CADPS: variants seen among roughly 807,000 people sequenced by gnomAD.
The protein encoded by CADPS is calcium dependent secretion activator.
Under a neutral mutation model 167.3 loss-of-function variants are expected in CADPS, and 57 were observed. The observed-to-expected ratio is 0.34, with a 90% CI of 0.28 to 0.42. CADPS has a LOEUF of 0.42. Ranked by LOEUF, CADPS falls within the 20% of genes least tolerant of loss-of-function variation. CADPS has a pLI of 1.00. For synonymous variants in CADPS, 676 were observed against 635.3 expected, an observed-to-expected ratio of 1.06 and a Z score of -0.96; for missense variants, 1,414 against 1,738.1, an observed-to-expected ratio of 0.81 and a Z score of 3.32.
At chr3:62,805,493 A>T (rs2094035056) in intron 1 of CADPS, among the ~76,000 whole-genome samples, 3 of 152,148 alleles carry the variant, frequency 2.0e-5, no homozygotes, top group Admixed American at 6.6e-5. Flanking sequence ...CTATGCTATT[A>T]CGTAGTGTTT....
chr3:62,813,915 C>T (rs2094497061), intron 1 of CADPS, among the ~76,000 whole-genome samples: 1 of 152,006 alleles, frequency 6.6e-6, no homozygotes, highest in Admixed American at 6.6e-5. Context: ...AGTAGAAGCT[C>T]AATAAATTTT....
chr3:62,684,414 C>T (rs1384146757), intron 3 of CADPS, among the ~76,000 whole-genome samples: 1 of 151,940 alleles, frequency 6.6e-6, no homozygotes, highest in Admixed American at 6.6e-5. Flanking sequence ...TTGCCTACCC[C>T]AGCCGTAGAA....
chr3:62,633,960 C>A (rs1158330955), intron 6 of CADPS, among the ~76,000 whole-genome samples: 3 of 152,160 alleles, frequency 2.0e-5, no homozygotes, highest in African/African-American at 7.2e-5. Flanking sequence ...TGCCTCTATA[C>A]AACACACTTA....
In CADPS at chr3:62,536,433, G is replaced by T; in HGVS notation, c.2103+12C>A. 1 of 1,610,560 alleles carries T rather than the reference G, an allele frequency of 6.2e-7. No individual in the cohort carries two copies. Among genetic ancestry groups the T allele is most frequent in the Non-Finnish European group, 8.5e-7 (1 of 1,177,424 alleles). On this transcript the variant is annotated intron_variant, in intron 12 of 29. Transcript: ENST00000383710. ...TATGTTTAAATTGCTGTAGACCAAAGAATATACTTGCCAGGCAAGAATAGG... is the reference window on the plus strand; with the variant it reads ...TATGTTTAAATTGCTGTAGACCAAATAATATACTTGCCAGGCAAGAATAGG...
At position 62,403,334 on chromosome 3, in the gene CADPS, G is replaced by A. The variant is rs183760502; in HGVS notation, c.3778-149C>T. On this transcript the variant is annotated intron_variant, in intron 28 of 29. Transcript: ENST00000383710. Reference sequence around the variant, plus strand: ...TTTGAGAGCATAGAGTTTAATGAACGTTAGTTAGTTTATACAAAATTGCAA... The same window carrying A: ...TTTGAGAGCATAGAGTTTAATGAACATTAGTTAGTTTATACAAAATTGCAA... The A allele has an allele frequency of 5.3e-3, 3,134 of 586,194 alleles. 10 individuals are homozygous for A. The highest frequency in any genetic ancestry group is 7.8e-3 in the Non-Finnish European group (2,556 of 326,472). The allele number at this position is 586,194 out of a possible 1,614,324, so 36.3% of individuals were successfully genotyped here. A position where few individuals can be genotyped will look rare whatever the true frequency, so the allele number is the denominator to read the frequency against.
chr3:62,495,460 C>T (rs1274929295), intron 18 of CADPS, among the ~76,000 whole-genome samples: 1 of 152,148 alleles, frequency 6.6e-6, no homozygotes, highest in East Asian at 1.9e-4. Context: ...TATTTTTGTA[C>T]TTGAGCTAAC....
intron 3 of CADPS, among the ~76,000 whole-genome samples, chr3:62,722,005 A>C (rs1238860649): frequency 6.6e-6 from 1 of 152,226 alleles, no homozygotes; most frequent in Non-Finnish European, 1.5e-5. Flanking sequence ...CAGGTGCTAG[A>C]AACTCCACTA....
Position 62,532,953 on chromosome 3 carries a change from G to T in CADPS, c.2209C>A (p.Arg737=). Reference sequence around the variant, plus strand: ...TCGATCATGGCGCCATTTTCTGCCCGTTCAAGCAAGTCTCTGAGGTAGCAG... The same window carrying T: ...TCGATCATGGCGCCATTTTCTGCCCTTTCAAGCAAGTCTCTGAGGTAGCAG... ...HLCYLRDLLE[R]AENGAMIDPT... is the part of the protein sequence containing the mutation. The change falls in exon 13 of 30, where the codon CGG becomes AGG. Residue 737 remains arginine, a synonymous_variant. Transcript: ENST00000383710. 1 of 1,613,778 alleles carries T rather than the reference G, an allele frequency of 6.2e-7. No individual in the cohort carries two copies. Among genetic ancestry groups the T allele is most frequent in the East Asian group, 2.2e-5 (1 of 44,834 alleles).
intron 3 of CADPS, among the ~76,000 whole-genome samples, chr3:62,685,414 AT>A (rs998622099): frequency 2.6e-5 from 4 of 152,014 alleles, no homozygotes; most frequent in African/African-American, 9.7e-5. Flanking sequence ...TGCCATATAA[AT>A]AAAAAAACTG....
At chr3:62,738,164 C>T (rs568514494) in intron 3 of CADPS, among the ~76,000 whole-genome samples, 9 of 152,192 alleles carry the variant, frequency 5.9e-5, no homozygotes, top group South Asian at 2.1e-4. Context: ...TCTCAACTCA[C>T]GTTTCTATGA....
At position 62,544,793 on chromosome 3, in the gene CADPS, G is replaced by A; in HGVS notation, c.1966+5110C>T. 2 of 953,966 alleles carry A rather than the reference G, an allele frequency of 2.1e-6. No individual in the cohort carries two copies. Among genetic ancestry groups the A allele is most frequent in the Non-Finnish European group, 2.7e-6 (2 of 752,394 alleles). The allele number at this position is 953,966 out of a possible 1,614,324, so 59.1% of individuals were successfully genotyped here. On this transcript the variant is annotated intron_variant, in intron 11 of 29. Coordinates refer to ENST00000383710, the MANE Select transcript of CADPS (RefSeq NM_003716.4). The surrounding 1 kb of genome is among the most constrained non-coding windows in gnomAD (Gnocchi z 4.4). ...AGGGGGAGGGAAGCACATTGCAGGTGTCAGATAATCTAATCTGATTATCTG... is the reference window on the plus strand; with the variant it reads ...AGGGGGAGGGAAGCACATTGCAGGTATCAGATAATCTAATCTGATTATCTG...
rs1470293444 is a variant in CADPS at position 62,544,910 on chromosome 3, G to C, written c.1966+4993C>G. On this transcript the variant is annotated intron_variant, in intron 11 of 29. Transcript: ENST00000383710. The surrounding 1 kb of genome is among the most constrained non-coding windows in gnomAD (Gnocchi z 4.4). Reference sequence around the variant, plus strand: ...ACAAACCAGAATAACATAAAGACTAGCAACAAGGCTCAGGAAAGCAGACAG... The same window carrying C: ...ACAAACCAGAATAACATAAAGACTACCAACAAGGCTCAGGAAAGCAGACAG... 3 of 1,154,442 alleles carry C rather than the reference G, an allele frequency of 2.6e-6. No homozygotes were observed. Among genetic ancestry groups the C allele is most frequent in the Non-Finnish European group, 3.3e-6 (3 of 909,278 alleles). The allele number at this position is 1,154,442 out of a possible 1,614,324, so 71.5% of individuals were successfully genotyped here. A position where few individuals can be genotyped will look rare whatever the true frequency, so the allele number is the denominator to read the frequency against.
intron 3 of CADPS, among the ~76,000 whole-genome samples, chr3:62,740,721 G>A (rs537085910): frequency 6.6e-6 from 1 of 152,144 alleles, no homozygotes; most frequent in African/African-American, 2.4e-5. Flanking sequence ...CTATCACCAT[G>A]CCACTAACTA....
At chr3:62,422,018 A>T (rs1045931794) in intron 28 of CADPS, among the ~76,000 whole-genome samples, 2 of 152,238 alleles carry the variant, frequency 1.3e-5, no homozygotes, top group Non-Finnish European at 1.5e-5. Flanking sequence ...TAAATACATA[A>T]TAGCATTTCT....
chr3:62,539,020 G>A (rs1210814077), intron 11 of CADPS, among the ~76,000 whole-genome samples: 4 of 152,148 alleles, frequency 2.6e-5, no homozygotes, highest in Non-Finnish European at 5.9e-5. Context: ...TTACAGAAAA[G>A]CCTAAAATCA....
intron 1 of CADPS, among the ~76,000 whole-genome samples, chr3:62,782,067 G>T (rs1276119696): frequency 6.6e-6 from 1 of 152,130 alleles, no homozygotes; most frequent in African/African-American, 2.4e-5. Flanking sequence ...TGGATTTTTG[G>T]TGAAGGTTTG....
chr3:62,862,441 T>G (rs1190170748), intron 1 of CADPS, among the ~76,000 whole-genome samples: 1 of 152,042 alleles, frequency 6.6e-6, no homozygotes, highest in Non-Finnish European at 1.5e-5. Flanking sequence ...GGTCTCAATC[T>G]CTTGTGATCT....
chr3:62,659,578 C>T (rs1156806836), intron 4 of CADPS, among the ~76,000 whole-genome samples: 3 of 152,212 alleles, frequency 2.0e-5, no homozygotes, highest in Non-Finnish European at 4.4e-5. Flanking sequence ...TTCTCATCAT[C>T]TTTTCCCTAT....
intron 3 of CADPS, among the ~76,000 whole-genome samples, chr3:62,719,966 C>G (rs1581095808): frequency 6.6e-6 from 1 of 152,298 alleles, no homozygotes; most frequent in East Asian, 1.9e-4. Flanking sequence ...TTTGCTCTGG[C>G]ACAGCGGGAG....
Sources: allele counts gnomAD v4.1 joint callset (sites outside exome capture counted in the v4.1 genomes callset), GRCh38; gene constraint gnomAD v4.1.1; non-coding constraint Gnocchi (gnomAD v3.1); transcripts MANE v1.5; gene names NCBI Gene and HGNC (gene_info 2026-07-23, HGNC 2026-07-21).